PROCR: variants seen among roughly 807,000 people sequenced by gnomAD.
PROCR encodes the protein protein C receptor.
A neutral mutation model predicts 24.2 loss-of-function variants in PROCR; 22 were observed. That is an observed-to-expected ratio of 0.91 (90% CI 0.65 to 1.30). The LOEUF (loss-of-function observed/expected upper bound fraction) is 1.30, where lower values mean the gene tolerates loss of function less well. Among genes scored for constraint, PROCR ranks in the 50% most tolerant of loss-of-function variants. PROCR has a pLI of 0.00. For synonymous variants in PROCR, 137 were observed against 139.2 expected (o/e 0.98, Z 0.11); for missense variants, 288 against 307.7 (o/e 0.94, Z 0.48).
At chr20:35,205,810 T>G (rs2060338844) in intron 1 of PROCR, among the ~76,000 whole-genome samples, 1 of 138,932 alleles carries the variant, frequency 7.2e-6, no homozygotes, top group Non-Finnish European at 1.5e-5. Context: ...CACATATATA[T>G]GTACATATAT....
intron 1 of PROCR, among the ~76,000 whole-genome samples, chr20:35,197,297 G>T (rs757667372): frequency 6.6e-6 from 1 of 152,110 alleles, no homozygotes; most frequent in Non-Finnish European, 1.5e-5. Context: ...GTGGTGATCT[G>T]TGATCAGTGA....
At chr20:35,183,229 C>T (rs998274138) in intron 1 of PROCR, among the ~76,000 whole-genome samples, 8 of 152,222 alleles carry the variant, frequency 5.3e-5, no homozygotes, top group South Asian at 2.1e-4. Flanking sequence ...CATGTTGGAA[C>T]GTGACCTCCA....
At chr20:35,178,507 G>GTTTTGTTTTTTTTTT (rs1272557859), downstream of PROCR, among the ~76,000 whole-genome samples, 138 of 34,376 alleles carry the variant, frequency 4.0e-3, 45 homozygotes, top group African/African-American at 0.015. Flanking sequence ...TCAAGTCTCA[G>GTTTTGTTTTTTTTTT]TTTTTTTTTT....
chr20:35,196,733 A>C (rs754819609), intron 1 of PROCR, among the ~76,000 whole-genome samples: 18 of 152,260 alleles, frequency 1.2e-4, no homozygotes, highest in Admixed American at 2.6e-4. Context: ...AATAGAAGCC[A>C]AAGTGAAATA....
At chr20:35,183,389 C>G (rs536354674) in intron 1 of PROCR, among the ~76,000 whole-genome samples, 58 of 152,126 alleles carry the variant, frequency 3.8e-4, no homozygotes, top group Non-Finnish European at 7.2e-4. Context: ...GAGACCTCCC[C>G]TCCTCTTTCT....
chr20:35,202,872 ACT>A (rs1403547243), intron 1 of PROCR: 1 of 152,154 alleles, frequency 6.6e-6, no homozygotes, highest in African/African-American at 2.4e-5. Context: ...TTTATAAAAC[ACT>A]CTACTCAAGA....
chr20:35,213,258 A>C (rs1484192515), intron 1 of PROCR, among the ~76,000 whole-genome samples: 1 of 152,142 alleles, frequency 6.6e-6, no homozygotes, highest in Non-Finnish European at 1.5e-5. Context: ...GCTTGAACCA[A>C]GGAAGCAGAG....
intron 1 of PROCR, among the ~76,000 whole-genome samples, chr20:35,207,640 T>C (rs2146178881): frequency 6.6e-6 from 1 of 152,066 alleles, no homozygotes; most frequent in Non-Finnish European, 1.5e-5. Flanking sequence ...AGTGATTCTC[T>C]GGCCTCAGCC....
chr20:35,194,842 G>T (rs1568597556), intron 1 of PROCR, among the ~76,000 whole-genome samples: 1 of 152,148 alleles, frequency 6.6e-6, no homozygotes, highest in Non-Finnish European at 1.5e-5. Flanking sequence ...TTATTTGCCT[G>T]CTAAAATAAA....
Position 35,176,773 on chromosome 20 carries a change from C to T in PROCR, c.677C>T (p.Ala226Val), listed in dbSNP as rs781289974. ...GGCAGTTTCATCATTGCTGGTGTGG[C>T]TGTAGGCATCTTCCTGTGCACAGGT... ...LVGSFIIAGV[A>V]VGIFLCTGGR... The change falls in exon 4 of 4, where the codon GCT becomes GTT. Residue 226 changes from alanine to valine, a missense_variant. Ala to Val is a moderately conservative substitution (Grantham distance 64). Coordinates refer to ENST00000216968, the MANE Select transcript of PROCR (RefSeq NM_006404.5). 6.8e-6 allele frequency: 11 copies of T among 1,613,942 alleles called. No homozygotes were observed. The highest frequency in any genetic ancestry group is 1.3e-5 in the African/African-American group (1 of 74,888).
chr20:35,175,578 C>CCTCTTT (rs2086005872), intron 2 of PROCR, among the ~76,000 whole-genome samples: 1 of 27,942 alleles, frequency 3.6e-5, no homozygotes, highest in African/African-American at 2.6e-4. Context: ...CCCCACCCCC[C>CCTCTTT]TTTTTTTTTT....
chr20:35,176,556 G>A, intron 3 of PROCR, 110 bp downstream of exon 3: 4 of 1,597,974 alleles, frequency 2.5e-6, no homozygotes, highest in Admixed American at 1.7e-5. Flanking sequence ...CACAGCTGGG[G>A]GTTTGGGACA....
At chr20:35,208,161 G>A (rs893226087) in intron 1 of PROCR, among the ~76,000 whole-genome samples, 3 of 152,324 alleles carry the variant, frequency 2.0e-5, no homozygotes, top group Non-Finnish European at 2.9e-5. Context: ...GGTAGAGGTG[G>A]AGGGCAATGA....
upstream of PROCR, among the ~76,000 whole-genome samples, chr20:35,171,661 G>T (rs1308661795): frequency 3.3e-5 from 5 of 152,064 alleles, no homozygotes; most frequent in Non-Finnish European, 7.4e-5. Flanking sequence ...TTTAATCTTG[G>T]ATCTGTCACC....
intron 1 of PROCR, among the ~76,000 whole-genome samples, chr20:35,172,756 G>A (rs1387032198): frequency 6.6e-6 from 1 of 152,124 alleles, no homozygotes; most frequent in Non-Finnish European, 1.5e-5. Context: ...ACTTATGGGC[G>A]ATCAGGCTAC....
At chr20:35,180,983 C>G (rs2086073218), downstream of PROCR, among the ~76,000 whole-genome samples, 1 of 152,138 alleles carries the variant, frequency 6.6e-6, no homozygotes, top group African/African-American at 2.4e-5. Flanking sequence ...TCTCCTGCCT[C>G]AACCTCCCGA....
chr20:35,182,890 C>T (rs2086089897), intron 1 of PROCR, among the ~76,000 whole-genome samples: 1 of 149,266 alleles, frequency 6.7e-6, no homozygotes, highest in South Asian at 2.1e-4. Flanking sequence ...AGGAGAGTAG[C>T]TTGCACCCAG....
rs1169432053 is a variant in PROCR at position 35,174,928 on chromosome 20, GGTGCACCAGGA to G, written c.299_309del (p.Val100AlafsTer16). ...TCCAGTTCCACGGCCTCGTGCGCCTGGTGCACCAGGAGCGGACCTTGGCCTGTGAGTAGGCG... is the reference window on the plus strand; with the variant it reads ...TCCAGTTCCACGGCCTCGTGCGCCTGGCGGACCTTGGCCTGTGAGTAGGCG... On this transcript the variant is annotated frameshift_variant, in exon 2 of 4. Transcript: ENST00000216968. LOFTEE classifies it high-confidence loss of function. 1 of 1,587,896 alleles carries G rather than the reference GGTGCACCAGGA, an allele frequency of 6.3e-7. No individual in the cohort carries two copies. Among genetic ancestry groups the G allele is most frequent in the Admixed American group, 1.8e-5 (1 of 55,800 alleles).
chr20:35,181,694 G>T (rs919447153), downstream of PROCR, among the ~76,000 whole-genome samples: 1 of 152,196 alleles, frequency 6.6e-6, no homozygotes, highest in Non-Finnish European at 1.5e-5. Flanking sequence ...AGTTTACAAA[G>T]AAATTTCATA....
Sources: allele counts gnomAD v4.1 joint callset (sites outside exome capture counted in the v4.1 genomes callset), GRCh38; gene constraint gnomAD v4.1.1; transcripts MANE v1.5; gene names NCBI Gene and HGNC (gene_info 2026-07-23, HGNC 2026-07-21).